C2CD2: variants seen among roughly 807,000 people sequenced by gnomAD.
The protein encoded by C2CD2 is C2 domain-containing protein 2.
Under a neutral mutation model 74.3 loss-of-function variants are expected in C2CD2, and 43 were observed. The observed-to-expected ratio is 0.58, with a 90% CI of 0.45 to 0.75. The LOEUF (loss-of-function observed/expected upper bound fraction) is 0.75. Ranked by LOEUF, C2CD2 falls within the 30% of genes least tolerant of loss-of-function variation. The pLI, the probability that C2CD2 is intolerant of heterozygous loss-of-function variation, is 0.00. For missense variants in C2CD2, 801 were observed against 916.3 expected, an observed-to-expected ratio of 0.87 and a Z score of 1.63; for synonymous variants, 422 against 390.7, an observed-to-expected ratio of 1.08 and a Z score of -0.94.
intron 6 of C2CD2, among the ~76,000 whole-genome samples, chr21:41,913,957 T>TAC (rs2065057847): frequency 1.3e-5 from 2 of 152,132 alleles, no homozygotes; most frequent in African/African-American, 4.8e-5. Flanking sequence ...TTCACCCACT[T>TAC]TCTAAGAAAG....
chr21:41,905,067 G>C (rs2146161366), intron 11 of C2CD2, among the ~76,000 whole-genome samples: 1 of 152,196 alleles, frequency 6.6e-6, no homozygotes, highest in Admixed American at 6.5e-5. Context: ...AAATTAAAGT[G>C]ACGGTGAGGA....
At chr21:41,951,539 A>G (rs910800590) in intron 1 of C2CD2, among the ~76,000 whole-genome samples, 1 of 152,174 alleles carries the variant, frequency 6.6e-6, no homozygotes, top group South Asian at 2.1e-4. Flanking sequence ...GTGTGTGGCC[A>G]ACAGCAGAGA....
intron 11 of C2CD2, among the ~76,000 whole-genome samples, chr21:41,905,329 T>C (rs78880986): frequency 7.4e-6 from 1 of 134,746 alleles, no homozygotes; most frequent in Non-Finnish European, 1.5e-5. Context: ...TTTTTTTTTT[T>C]TTTTAAGAGA....
intron 2 of C2CD2, among the ~76,000 whole-genome samples, chr21:41,934,870 CTTGT>C (rs773000582): frequency 2.1e-4 from 32 of 148,866 alleles, no homozygotes; most frequent in East Asian, 4.0e-4. Context: ...TTTTTTTTTG[CTTGT>C]TTGTTTGTCT....
chr21:41,911,264 C>A (rs1416965703), intron 7 of C2CD2, among the ~76,000 whole-genome samples: 1 of 152,106 alleles, frequency 6.6e-6, no homozygotes, highest in African/African-American at 2.4e-5. Flanking sequence ...TACATCCTTA[C>A]ATTCCTGGTA....
chr21:41,926,699 A>C lies in C2CD2; in HGVS notation c.379-4614T>G. The C allele has an allele frequency of 1.2e-6, 1 of 845,176 alleles. No homozygotes were observed. The highest frequency in any genetic ancestry group is 1.4e-6 in the Non-Finnish European group (1 of 701,856). The allele number at this position is 845,176 out of a possible 1,614,324, so 52.4% of individuals were successfully genotyped here. ...GAGAGCCCCTGAGTCTTCAGATCTCACTGTGCCCTTTCACTTTCCTTTTCA... is the reference window on the plus strand; with the variant it reads ...GAGAGCCCCTGAGTCTTCAGATCTCCCTGTGCCCTTTCACTTTCCTTTTCA... On this transcript the variant is annotated intron_variant, in intron 2 of 13. Transcript: ENST00000380486. The surrounding 1 kb of genome is among the most constrained non-coding windows in gnomAD (Gnocchi z 8.0).
rs1003240844 is a variant in C2CD2 at position 41,895,725 on chromosome 21, ATAAATAT to A, written c.1870+3321_1870+3327del. ...TAATCTAAATTATAGCTCTAATGTCATAAATATTTCCAAATGTATTCCTATTTGTCTC... is the reference window on the plus strand; with the variant it reads ...TAATCTAAATTATAGCTCTAATGTCATTCCAAATGTATTCCTATTTGTCTC... On this transcript the variant is annotated intron_variant, in intron 13 of 13. Transcript: ENST00000380486. The surrounding 1 kb of genome is among the most constrained non-coding windows in gnomAD (Gnocchi z 5.0). 4.3e-4 allele frequency among the ~76,000 whole-genome samples: 65 copies of A among 152,378 alleles called. No individual in the cohort carries two copies. Among genetic ancestry groups the A allele is most frequent in the African/African-American group, 1.4e-3 (60 of 41,584 alleles).
At chr21:41,919,112 G>C in intron 3 of C2CD2, 152 bp from the exon 4 acceptor site, 1 of 644,548 alleles carries the variant, frequency 1.6e-6, no homozygotes, top group Non-Finnish European at 2.8e-6. Flanking sequence ...GTGAGTGTGC[G>C]TGTATGCGCA....
intron 2 of C2CD2, among the ~76,000 whole-genome samples, chr21:41,931,926 TCCAGCATCCCACCACCCC>T (rs2065265525): frequency 6.7e-4 from 8 of 11,868 alleles, no homozygotes; most frequent in African/African-American, 2.3e-3. Context: ...CCACCCCACC[TCCAGCATCCCACCACCCC>T]ACCTCCAGCA....
At chr21:41,916,772 A>G (rs886399434) in intron 5 of C2CD2, among the ~76,000 whole-genome samples, 1 of 152,166 alleles carries the variant, frequency 6.6e-6, no homozygotes, top group Non-Finnish European at 1.5e-5. Flanking sequence ...TATTTTGATT[A>G]AATAAACTGT....
At chr21:41,943,317 G>A (rs957719744) in intron 1 of C2CD2, among the ~76,000 whole-genome samples, 3 of 152,000 alleles carry the variant, frequency 2.0e-5, no homozygotes, top group Admixed American at 6.6e-5. Context: ...TTCTCCAAAC[G>A]AGAGACGCAC....
rs529245363 is a variant in C2CD2 at position 41,886,212 on chromosome 21, C to A, written c.*2912G>T. On this transcript the variant is annotated 3_prime_UTR_variant, in exon 14 of 14. Transcript: ENST00000380486. Reference sequence around the variant, plus strand: ...GAATTGTTTTTAAAACACAACTGGGCAAAACTTTCATCCAGACAAAAGCCA... The same window carrying A: ...GAATTGTTTTTAAAACACAACTGGGAAAAACTTTCATCCAGACAAAAGCCA... 1 of 152,096 alleles carries A rather than the reference C, an allele frequency of 6.6e-6. No individual in the cohort carries two copies. 9.4% of individuals were successfully genotyped at this position (152,096 alleles called of 1,614,324 possible).
At chr21:41,953,344 C>A (rs747551518) in intron 1 of C2CD2, 26 bp downstream of exon 1, 149 of 1,378,830 alleles carry the variant, frequency 1.1e-4, no homozygotes, top group Non-Finnish European at 1.3e-4. Flanking sequence ...TCTGCCGCCC[C>A]CCGGCCCGCA....
chr21:41,918,789 C>T lies in C2CD2; in HGVS notation c.597+67G>A, dbSNP rs185617351. ...ACCAGCCATGCACTCAGTTCCCCAC[C>T]GCAGACTGTCCTAACACACGTGCGT... On this transcript the variant is annotated intron_variant, in intron 4 of 13. Coordinates refer to ENST00000380486, the MANE Select transcript of C2CD2 (RefSeq NM_015500.2). The T allele has an allele frequency of 3.9e-4, 488 of 1,236,908 alleles. 2 individuals are homozygous for T. In the East Asian group the frequency reaches 0.01, roughly 26 times the overall value. 76.6% of individuals were successfully genotyped at this position (1,236,908 alleles called of 1,614,324 possible).
At chr21:41,898,686 G>A (rs2064852570) in intron 13 of C2CD2, among the ~76,000 whole-genome samples, 1 of 152,188 alleles carries the variant, frequency 6.6e-6, no homozygotes, top group Non-Finnish European at 1.5e-5. Flanking sequence ...TATCGGCAGT[G>A]GAAGGAGCCC....
intron 11 of C2CD2, among the ~76,000 whole-genome samples, chr21:41,902,614 T>A (rs2064912916): frequency 6.6e-6 from 1 of 152,178 alleles, no homozygotes; most frequent in Admixed American, 6.5e-5. Context: ...GCTATTAAAG[T>A]AGCAGGATGG....
intron 1 of C2CD2, chr21:41,952,805 C>T (rs1282271763): frequency 6.6e-6 from 1 of 152,284 alleles, no homozygotes; most frequent in Non-Finnish European, 1.5e-5. Flanking sequence ...GTGATAACAC[C>T]CCTGTCCCGG....
chr21:41,917,227 C>A (rs2065102720), intron 5 of C2CD2, among the ~76,000 whole-genome samples: 1 of 152,228 alleles, frequency 6.6e-6, no homozygotes. Context: ...TCCAGTGAAA[C>A]AAAGTCTTCA....
intron 2 of C2CD2, among the ~76,000 whole-genome samples, chr21:41,932,396 G>C (rs1316066380): frequency 6.7e-6 from 1 of 149,016 alleles, no homozygotes; most frequent in East Asian, 2.0e-4. Flanking sequence ...AGCCGCTCTA[G>C]TAAAATATGT....
Sources: gnomAD v4.1 joint callset for allele counts (sites outside exome capture counted in the v4.1 genomes callset) on GRCh38, gnomAD v4.1.1 for gene constraint, Gnocchi (gnomAD v3.1) non-coding constraint, MANE v1.5 for transcripts, NCBI Gene and HGNC (gene_info 2026-07-23, HGNC 2026-07-21) for gene names.